Variants in RPS6KA2 observed in about 807,000 individuals in gnomAD.
The protein encoded by RPS6KA2 is ribosomal protein S6 kinase A2.
In RPS6KA2, 42 loss-of-function variants were observed where a neutral mutation model predicts 91.8. The ratio of observed to expected loss-of-function variants is 0.46; its 90% CI spans 0.36 to 0.59. The LOEUF (loss-of-function observed/expected upper bound fraction) is 0.59, where lower values mean the gene tolerates loss of function less well. RPS6KA2 is among the 20% of genes least tolerant of loss of function. RPS6KA2 has a pLI of 0.00. For synonymous variants in RPS6KA2, 414 were observed against 393.6 expected (o/e 1.05, Z -0.61); for missense variants, 798 against 978.5 (o/e 0.82, Z 2.46).
intron 2 of RPS6KA2, among the ~76,000 whole-genome samples, chr6:166,705,775 G>A (rs1469556310): frequency 6.6e-6 from 1 of 152,152 alleles, no homozygotes; most frequent in African/African-American, 2.4e-5. Context: ...GATTTACAGT[G>A]GGCTTAAAAA....
rs1204112085 is a variant in RPS6KA2 at position 166,435,533 on chromosome 6, A to G, written c.1333-3043T>C. Among the ~76,000 whole-genome samples the G allele has an allele frequency of 1.3e-5, 2 of 152,344 alleles. No homozygotes were observed. The highest frequency in any genetic ancestry group is 4.8e-5 in the African/African-American group (2 of 41,584). On this transcript the variant is annotated intron_variant, in intron 14 of 20. Coordinates refer to ENST00000265678, the MANE Select transcript of RPS6KA2 (RefSeq NM_021135.6). This position sits in a 1 kb window ranked among gnomAD's most constrained non-coding sequence, Gnocchi z 4.3. ...TGTCAACAACCAAACACCACACACCAGCTGTTCGCTGAGGTGGCATTTGGG... is the reference window on the plus strand; with the variant it reads ...TGTCAACAACCAAACACCACACACCGGCTGTTCGCTGAGGTGGCATTTGGG...
intron 3 of RPS6KA2, among the ~76,000 whole-genome samples, chr6:166,519,636 A>C (rs1186337475): frequency 6.6e-6 from 1 of 152,110 alleles, no homozygotes; most frequent in African/African-American, 2.4e-5. Context: ...GGTTCACCCC[A>C]CTGTGAAGGG....
In RPS6KA2 at chr6:166,409,471, A is replaced by G. The variant is rs1399541657; in HGVS notation, c.*3291T>C. 6.6e-6 allele frequency: 1 copy of G among 152,482 alleles called. No individual in the cohort carries two copies. The highest frequency in any genetic ancestry group is 2.4e-5 in the African/African-American group (1 of 41,470). 9.4% of individuals were successfully genotyped at this position (152,482 alleles called of 1,614,324 possible). ...ATAAATATCTGTACAGTGGCCACCC[A>G]TCTCAAACATGAATTACAAAGCAGG... On this transcript the variant is annotated 3_prime_UTR_variant, in exon 21 of 21. Transcript: ENST00000265678.
chr6:166,751,086 G>C (rs189570456), intron 2 of RPS6KA2, among the ~76,000 whole-genome samples: 30 of 152,262 alleles, frequency 2.0e-4, no homozygotes, highest in African/African-American at 6.7e-4. Context: ...CAGTGCCCCC[G>C]AGCTGCAGGT....
At chr6:166,453,375 A>G (rs1398540118) in intron 12 of RPS6KA2, among the ~76,000 whole-genome samples, 1 of 152,224 alleles carries the variant, frequency 6.6e-6, no homozygotes, top group African/African-American at 2.4e-5. Flanking sequence ...CAACAACAAC[A>G]ACAAAACAAA....
chr6:166,498,987 G>A (rs562993835), intron 7 of RPS6KA2, among the ~76,000 whole-genome samples: 15 of 152,308 alleles, frequency 9.8e-5, no homozygotes, highest in African/African-American at 3.4e-4. Flanking sequence ...GAGGTGGGGT[G>A]TTGCAGGGCA....
chr6:166,562,178 C>T (rs922202442), intron 1 of RPS6KA2, among the ~76,000 whole-genome samples: 1 of 151,952 alleles, frequency 6.6e-6, no homozygotes, highest in Non-Finnish European at 1.5e-5. Context: ...AAGCAAAATC[C>T]ACCATCTGAG....
intron 12 of RPS6KA2, among the ~76,000 whole-genome samples, chr6:166,455,523 C>G (rs1417333060): frequency 6.6e-6 from 1 of 152,196 alleles, no homozygotes; most frequent in Non-Finnish European, 1.5e-5. Flanking sequence ...GATGCCCACG[C>G]GACCCCTGGA....
At chr6:166,598,262 T>A (rs1313200321) in intron 1 of RPS6KA2, among the ~76,000 whole-genome samples, 3 of 152,222 alleles carry the variant, frequency 2.0e-5, no homozygotes, top group Non-Finnish European at 4.4e-5. Flanking sequence ...CCCTCCCTGC[T>A]GTTCAGGATA....
In RPS6KA2 at chr6:166,495,580, C is replaced by T. The variant is rs1016954389; in HGVS notation, c.747+2928G>A. On this transcript the variant is annotated intron_variant, in intron 8 of 20. Transcript: ENST00000265678. This position sits in a 1 kb window ranked among gnomAD's most constrained non-coding sequence, Gnocchi z 4.4. ...CGGGCACTGGGTCTGGGTGTGAGTG[C>T]CTCTCTGCTTCCACCCTGTTGTCTT... Among the ~76,000 whole-genome samples, 22 of 152,142 alleles carry T rather than the reference C, an allele frequency of 1.4e-4. No homozygotes were observed. The highest frequency in any genetic ancestry group is 5.3e-4 in the African/African-American group (22 of 41,422).
At chr6:166,536,110 C>G (rs1264810225) in intron 2 of RPS6KA2, among the ~76,000 whole-genome samples, 1 of 152,240 alleles carries the variant, frequency 6.6e-6, no homozygotes, top group South Asian at 2.1e-4. Flanking sequence ...TTCTGCATCT[C>G]CAATGTCATC....
At chr6:166,596,930 AG>A (rs1785553015) in intron 1 of RPS6KA2, among the ~76,000 whole-genome samples, 1 of 151,998 alleles carries the variant, frequency 6.6e-6, no homozygotes, top group Non-Finnish European at 1.5e-5. Flanking sequence ...TGTAGGGGTG[AG>A]GGGGATTTCG....
intron 2 of RPS6KA2, among the ~76,000 whole-genome samples, chr6:166,709,295 A>G (rs1789778932): frequency 6.6e-6 from 1 of 151,228 alleles, no homozygotes; most frequent in African/African-American, 2.5e-5. Context: ...CCCAGAAGTC[A>G]GAAATAAAGA....
At chr6:166,713,644 G>C (rs777030737) in intron 2 of RPS6KA2, among the ~76,000 whole-genome samples, 1 of 152,202 alleles carries the variant, frequency 6.6e-6, no homozygotes. Context: ...ACAGATGCAC[G>C]ATTTATGTGT....
intron 3 of RPS6KA2, among the ~76,000 whole-genome samples, chr6:166,524,844 G>A (rs963002448): frequency 3.3e-5 from 5 of 152,204 alleles, no homozygotes; most frequent in Admixed American, 2.0e-4. Flanking sequence ...AGCTCGTGGG[G>A]TTAGAGCTGG....
intron 2 of RPS6KA2, among the ~76,000 whole-genome samples, chr6:166,653,665 T>A (rs1268852610): frequency 2.0e-5 from 3 of 152,218 alleles, no homozygotes; most frequent in Non-Finnish European, 4.4e-5. Context: ...TCCTGGTTTA[T>A]CTCATAAACT....
At chr6:166,783,337 G>A (rs1157909935) in intron 2 of RPS6KA2, among the ~76,000 whole-genome samples, 2 of 151,954 alleles carry the variant, frequency 1.3e-5, no homozygotes, top group East Asian at 3.9e-4. Context: ...TAAGGGAAAA[G>A]ACTGAGCTAC....
chr6:166,696,182 C>T (rs1435223906), intron 2 of RPS6KA2, among the ~76,000 whole-genome samples: 1 of 152,084 alleles, frequency 6.6e-6, no homozygotes, highest in African/African-American at 2.4e-5. Flanking sequence ...AGCAGCTCTC[C>T]AGGAAACAGC....
intron 11 of RPS6KA2, among the ~76,000 whole-genome samples, chr6:166,469,300 G>C (rs1026218901): frequency 4.7e-5 from 7 of 148,070 alleles, no homozygotes; most frequent in Non-Finnish European, 7.4e-5. Flanking sequence ...AGAAGCTCCA[G>C]TTTATTCCAA....
Sources: allele counts gnomAD v4.1 joint callset (sites outside exome capture counted in the v4.1 genomes callset), GRCh38; gene constraint gnomAD v4.1.1; non-coding constraint Gnocchi (gnomAD v3.1); transcripts MANE v1.5; gene names NCBI Gene and HGNC (gene_info 2026-07-23, HGNC 2026-07-21).